Variants in COG5 observed in about 807,000 individuals in gnomAD.
COG5 encodes the protein component of oligomeric golgi complex 5.
COG5 carries 86 observed loss-of-function variants against 110.4 expected under a neutral mutation model. The observed-to-expected ratio is 0.78, with a 90% CI of 0.65 to 0.93. The LOEUF (loss-of-function observed/expected upper bound fraction) is 0.93. Ranked by LOEUF, COG5 falls within the 40% of genes least tolerant of loss-of-function variation. The pLI is 0.00. For missense variants in COG5, 1,077 were observed against 987.0 expected (o/e 1.09, Z -1.22); for synonymous variants, 360 against 334.6 (o/e 1.08, Z -0.83).
At chr7:107,379,862 G>A (rs1814958228) in intron 7 of COG5, among the ~76,000 whole-genome samples, 1 of 152,046 alleles carries the variant, frequency 6.6e-6, no homozygotes, top group African/African-American at 2.4e-5. Context: ...GTCAATATGA[G>A]ATCAACGAGA....
intron 5 of COG5, among the ~76,000 whole-genome samples, chr7:107,538,879 T>C (rs913354966): frequency 1.3e-5 from 2 of 152,158 alleles, no homozygotes; most frequent in Non-Finnish European, 2.9e-5. Context: ...ACAAATTGAA[T>C]GGATAAACAA....
chr7:107,369,904 C>T (rs967021278), intron 8 of COG5, among the ~76,000 whole-genome samples: 4 of 152,238 alleles, frequency 2.6e-5, no homozygotes, highest in Non-Finnish European at 5.9e-5. Flanking sequence ...TGATTAATTT[C>T]TATTTCCTTA....
chr7:107,346,217 C>T (rs1811586495), intron 10 of COG5, among the ~76,000 whole-genome samples: 1 of 152,138 alleles, frequency 6.6e-6, no homozygotes, highest in Non-Finnish European at 1.5e-5. Flanking sequence ...ATTATGGAAA[C>T]ATTTCTTTAG....
chr7:107,243,751 T>A (rs566480066), intron 17 of COG5, among the ~76,000 whole-genome samples: 3 of 152,090 alleles, frequency 2.0e-5, no homozygotes, highest in African/African-American at 7.2e-5. Context: ...TACACTAATA[T>A]TGACCTCATA....
intron 11 of COG5, among the ~76,000 whole-genome samples, chr7:107,323,206 C>T (rs1223662627): frequency 6.6e-6 from 1 of 152,104 alleles, no homozygotes; most frequent in Non-Finnish European, 1.5e-5. Flanking sequence ...ATATTTATTC[C>T]CTCCCAAAAT....
chr7:107,260,277 T>C (rs2116639101), intron 14 of COG5, among the ~76,000 whole-genome samples: 1 of 152,120 alleles, frequency 6.6e-6, no homozygotes, highest in Middle Eastern at 3.4e-3. Context: ...TACTACAACA[T>C]AGGTGAATTC....
At chr7:107,558,267 C>A in intron 1 of COG5, 152 bp from the exon 2 acceptor site, 1 of 747,854 alleles carries the variant, frequency 1.3e-6, no homozygotes, top group South Asian at 1.7e-5. Flanking sequence ...TTTATCATGA[C>A]CCTAAAGGAA....
At chr7:107,385,631 C>CA in intron 7 of COG5, among the ~76,000 whole-genome samples, 1 of 152,156 alleles carries the variant, frequency 6.6e-6, no homozygotes, top group South Asian at 2.1e-4. Context: ...TGTATGATTC[C>CA]ACTTAACATG....
intron 6 of COG5, among the ~76,000 whole-genome samples, chr7:107,498,191 C>G (rs996213255): frequency 6.6e-6 from 1 of 152,092 alleles, no homozygotes; most frequent in African/African-American, 2.4e-5. Context: ...TAGAACGACA[C>G]GTGAGGAAAA....
At chr7:107,388,111 C>G (rs1443304140) in intron 7 of COG5, among the ~76,000 whole-genome samples, 1 of 152,216 alleles carries the variant, frequency 6.6e-6, no homozygotes, top group Non-Finnish European at 1.5e-5. Flanking sequence ...ACAATTTCAA[C>G]TTACCCAGAA....
chr7:107,492,102 A>G (rs2129128844), intron 6 of COG5, among the ~76,000 whole-genome samples: 1 of 152,026 alleles, frequency 6.6e-6, no homozygotes, highest in Middle Eastern at 3.4e-3. Context: ...ACGTCTTACA[A>G]TTCTGGCACT....
At chr7:107,230,544 A>C in intron 19 of COG5, 71 bp downstream of exon 19, 2 of 1,144,596 alleles carry the variant, frequency 1.7e-6, no homozygotes, top group Non-Finnish European at 1.3e-6. Context: ...AATTTTATGA[A>C]GTTCAACCTG....
At chr7:107,352,297 T>C (rs1325769071) in intron 10 of COG5, among the ~76,000 whole-genome samples, 2 of 94,738 alleles carry the variant, frequency 2.1e-5, no homozygotes, top group Non-Finnish European at 4.0e-5. Flanking sequence ...CATCACACTG[T>C]TGTGGGGTGG....
At chr7:107,494,924 G>C (rs1238683109) in intron 6 of COG5, among the ~76,000 whole-genome samples, 1 of 152,052 alleles carries the variant, frequency 6.6e-6, no homozygotes, top group Admixed American at 6.6e-5. Flanking sequence ...TGGGGACGAG[G>C]GGTCAGTGGG....
At chr7:107,432,944 C>A (rs540268926) in intron 6 of COG5, among the ~76,000 whole-genome samples, 141 of 151,914 alleles carry the variant, frequency 9.3e-4, no homozygotes, top group African/African-American at 3.3e-3. Flanking sequence ...ATAGATTCCA[C>A]ACCAAAAAAA....
At chr7:107,508,829 A>T (rs374892450) in intron 6 of COG5, among the ~76,000 whole-genome samples, 1 of 152,202 alleles carries the variant, frequency 6.6e-6, no homozygotes, top group East Asian at 1.9e-4. Context: ...GACCTGTAGC[A>T]GAGGGTCCTG....
chr7:107,421,765 CAAAAA>C (rs202025992), intron 6 of COG5, among the ~76,000 whole-genome samples: 1 of 120,286 alleles, frequency 8.3e-6, no homozygotes, highest in Non-Finnish European at 1.8e-5. Flanking sequence ...GACTCCGTCT[CAAAAA>C]AAAAAAAAAA....
chr7:107,352,557 T>C (rs1364927664), intron 10 of COG5, among the ~76,000 whole-genome samples: 1 of 151,378 alleles, frequency 6.6e-6, no homozygotes, highest in Non-Finnish European at 1.5e-5. Flanking sequence ...CCCTATTCAA[T>C]ATTTTAATCA....
chr7:107,351,934 C>T (rs1022830818), intron 10 of COG5, among the ~76,000 whole-genome samples: 2 of 147,264 alleles, frequency 1.4e-5, no homozygotes, highest in African/African-American at 4.9e-5. Context: ...GTAGAAATAC[C>T]ATTTGACCCA....
Sources: gnomAD v4.1 joint callset for allele counts (sites outside exome capture counted in the v4.1 genomes callset) on GRCh38, gnomAD v4.1.1 for gene constraint, MANE v1.5 for transcripts, NCBI Gene and HGNC (gene_info 2026-07-23, HGNC 2026-07-21) for gene names.